Variants in ICA1 observed in about 807,000 individuals in gnomAD.
The protein encoded by ICA1 is 69 kDa islet cell autoantigen.
Under a neutral mutation model 71.0 loss-of-function variants are expected in ICA1, and 40 were observed. The observed-to-expected ratio is 0.56, with a 90% CI of 0.44 to 0.73. The LOEUF (loss-of-function observed/expected upper bound fraction) is 0.73, where lower values mean the gene tolerates loss of function less well. ICA1 is among the 30% of genes least tolerant of loss of function. The pLI, the probability that ICA1 is intolerant of heterozygous loss-of-function variation, is 0.00. For missense variants in ICA1, 578 were observed against 576.5 expected (o/e 1.00, Z -0.03); for synonymous variants, 207 against 209.5 (o/e 0.99, Z 0.10).
chr7:8,248,618 A>C (rs772114240), intron 1 of ICA1, among the ~76,000 whole-genome samples: 1 of 152,198 alleles, frequency 6.6e-6, no homozygotes, highest in Non-Finnish European at 1.5e-5. Flanking sequence ...CAGGAGGCTG[A>C]GGTGGGAGGA....
At chr7:8,259,318 T>C (rs191167963) in intron 1 of ICA1, among the ~76,000 whole-genome samples, 43 of 152,326 alleles carry the variant, frequency 2.8e-4, no homozygotes, top group Middle Eastern at 6.8e-3. Flanking sequence ...TGGACCACGT[T>C]TGAGTGACAG....
chr7:8,140,663 C>T (rs3779371), intron 10 of ICA1, among the ~76,000 whole-genome samples: 1,747 of 152,300 alleles, frequency 0.011, 49 homozygotes, highest in South Asian at 0.1. Flanking sequence ...GGCACAGAGG[C>T]GGCTCAATAA....
intron 6 of ICA1, among the ~76,000 whole-genome samples, chr7:8,184,711 G>T (rs1783338999): frequency 6.6e-6 from 1 of 152,218 alleles, no homozygotes; most frequent in Non-Finnish European, 1.5e-5. Context: ...GTATAGAAAA[G>T]ATATTGGAAG....
intron 7 of ICA1, 32 bp downstream of exon 7, chr7:8,158,495 T>A: frequency 6.2e-7 from 1 of 1,612,590 alleles, no homozygotes; most frequent in South Asian, 1.1e-5. Context: ...TGTGCCATCC[T>A]TGGTTCATTG....
intron 6 of ICA1, among the ~76,000 whole-genome samples, chr7:8,210,119 A>G (rs1420799724): frequency 6.6e-6 from 1 of 152,230 alleles, no homozygotes; most frequent in African/African-American, 2.4e-5. Context: ...TTGGACTAGC[A>G]TTAGTGTGGA....
chr7:8,218,451 GA>G lies in ICA1; in HGVS notation c.432del (p.Arg145GlyfsTer10). ...LCRFHQEVET[F>X]RHRAISDTWL... ...CAAGTATCTGAGATGGCCCGATGCC[GA>G]AAAGTCTCCACTTCTTGGTGAAATC... On this transcript the variant is annotated frameshift_variant, in exon 6 of 14. Coordinates refer to ENST00000402384, the MANE Select transcript of ICA1 (RefSeq NM_001136020.3). LOFTEE classifies it high-confidence loss of function. The G allele has an allele frequency of 6.2e-7, 1 of 1,614,086 alleles. No individual in the cohort carries two copies. Among genetic ancestry groups the G allele is most frequent in the Non-Finnish European group, 8.5e-7 (1 of 1,179,998 alleles).
intron 10 of ICA1, 27 bp downstream of exon 10, chr7:8,141,738 C>A: frequency 7.1e-7 from 1 of 1,406,002 alleles, no homozygotes; most frequent in South Asian, 1.2e-5. Flanking sequence ...ATTTCAGAAG[C>A]AATTCTAAAT....
intron 8 of ICA1, among the ~76,000 whole-genome samples, chr7:8,147,687 AACACACACACACACACACACAC>A (rs71014764): frequency 6.9e-6 from 1 of 145,306 alleles, no homozygotes; most frequent in Admixed American, 6.8e-5. Context: ...AGCCAAGGGG[AACACACACACACACACACACAC>A]ACACACACAC....
intron 4 of ICA1, 106 bp downstream of exon 4, chr7:8,228,495 C>G: frequency 1.7e-6 from 1 of 587,252 alleles, no homozygotes; most frequent in Non-Finnish European, 2.8e-6. Context: ...CCTGAAGACA[C>G]AGACAAACAC....
At chr7:8,212,835 TG>T (rs1340765566) in intron 6 of ICA1, among the ~76,000 whole-genome samples, 1 of 152,202 alleles carries the variant, frequency 6.6e-6, no homozygotes, top group Admixed American at 6.5e-5. Context: ...TAAATGGTCT[TG>T]GCTTCACCCT....
intron 6 of ICA1, among the ~76,000 whole-genome samples, chr7:8,167,829 C>A (rs1374245353): frequency 1.3e-5 from 2 of 152,092 alleles, no homozygotes; most frequent in Admixed American, 6.6e-5. Context: ...CTGATCAAAG[C>A]TGGGTGAATC....
rs750877639 is a variant in ICA1, at chr7:8,114,054, G to T, written c.1331-10C>A. The T allele has an allele frequency of 8.7e-6, 14 of 1,614,018 alleles. No individual in the cohort carries two copies. The Admixed American group carries it at 1.3e-4, about 15-fold the overall frequency. ...GCAGCCTTAGCAGGTTCTGGGGAGAGAAGAGGAAACATGAGCAAACGCACC... is the reference window on the plus strand; with the variant it reads ...GCAGCCTTAGCAGGTTCTGGGGAGATAAGAGGAAACATGAGCAAACGCACC... On this transcript the variant is annotated splice_polypyrimidine_tract_variant and intron_variant, in intron 13 of 13. Transcript: ENST00000402384.
intron 6 of ICA1, among the ~76,000 whole-genome samples, chr7:8,212,812 A>G (rs1794240563): frequency 1.3e-5 from 2 of 152,146 alleles, no homozygotes; most frequent in Non-Finnish European, 2.9e-5. Flanking sequence ...TATCTGTTTC[A>G]TGCATGTTAT....
intron 13 of ICA1, among the ~76,000 whole-genome samples, chr7:8,124,349 G>C (rs1250335550): frequency 1.3e-5 from 2 of 151,156 alleles, no homozygotes; most frequent in African/African-American, 4.9e-5. Flanking sequence ...TCGACCTCTT[G>C]ACCTCATGAT....
intron 1 of ICA1, among the ~76,000 whole-genome samples, chr7:8,240,243 T>C (rs1159377964): frequency 6.6e-6 from 1 of 152,186 alleles, no homozygotes; most frequent in Non-Finnish European, 1.5e-5. Context: ...TTTGCTATTC[T>C]GCAGCCTCTG....
chr7:8,128,037 T>C lies in ICA1; in HGVS notation c.1166A>G (p.Glu389Gly), dbSNP rs1270882657. The C allele has an allele frequency of 1.9e-6, 3 of 1,614,076 alleles. No individual in the cohort carries two copies. The African/African-American group carries it at 4.0e-5, about 22-fold the overall frequency. Residue 389 changes from glutamate to glycine, a missense_variant, in exon 13 of 14, where the codon GAG becomes GGG. Transcript: ENST00000402384. Reference sequence around the variant, plus strand: ...CACAGCGGCCCACTCTTTGCTGAACTCGCCCTCTTCCAAGGAGGAAGCATT... The same window carrying C: ...CACAGCGGCCCACTCTTTGCTGAACCCGCCCTCTTCCAAGGAGGAAGCATT... The part of the protein sequence containing the change: ...IFNASSLEEG[E>G]FSKEWAAVFG...
intron 13 of ICA1, among the ~76,000 whole-genome samples, chr7:8,124,850 G>A (rs868410674): frequency 1.3e-5 from 2 of 151,652 alleles, no homozygotes. Context: ...GTGTAGTGGC[G>A]TGATCTCAGC....
chr7:8,185,839 C>T (rs543028887), intron 6 of ICA1, among the ~76,000 whole-genome samples: 1 of 152,264 alleles, frequency 6.6e-6, no homozygotes, highest in Non-Finnish European at 1.5e-5. Flanking sequence ...ATTGATTATA[C>T]ATACAGTGCT....
chr7:8,142,082 G>A, intron 9 of ICA1: 1 of 1,183,056 alleles, frequency 8.5e-7, no homozygotes, highest in Non-Finnish European at 1.2e-6. Context: ...ATATAAATAA[G>A]ATAGACGCAT....
Sources: allele counts gnomAD v4.1 joint callset (sites outside exome capture counted in the v4.1 genomes callset), GRCh38; gene constraint gnomAD v4.1.1; transcripts MANE v1.5; gene names NCBI Gene and HGNC (gene_info 2026-07-23, HGNC 2026-07-21).